Variants in KIRREL3 observed in about 807,000 individuals in gnomAD.
KIRREL3 encodes kin of IRRE-like protein 3.
Under a neutral mutation model 89.7 loss-of-function variants are expected in KIRREL3, and 36 were observed. The observed-to-expected ratio is 0.40, with a 90% CI of 0.31 to 0.53. The LOEUF is 0.53. Among genes scored for constraint, KIRREL3 ranks in the 20% least tolerant of loss-of-function variants. The pLI is 0.49. For missense variants in KIRREL3, 864 were observed against 1,056.6 expected (o/e 0.82, Z 2.53); for synonymous variants, 445 against 441.4 (o/e 1.01, Z -0.10).
rs2134227752 is a variant in KIRREL3, at chr11:126,744,211, A to G, written c.56-181299T>C. ...GGGTGCCAGTCAAGGGACAAAATGG[A>G]CATTGGTTTGTCTTCTGAAACACAC... On this transcript the variant is annotated intron_variant, in intron 1 of 16. Coordinates refer to ENST00000525144, the MANE Select transcript of KIRREL3 (RefSeq NM_032531.4). The surrounding 1 kb of genome is among the most constrained non-coding windows in gnomAD (Gnocchi z 4.7). 6.6e-6 allele frequency among the ~76,000 whole-genome samples: 1 copy of G among 151,068 alleles called. No individual in the cohort carries two copies. Among genetic ancestry groups the G allele is most frequent in the South Asian group, 2.1e-4 (1 of 4,710 alleles).
intron 1 of KIRREL3, among the ~76,000 whole-genome samples, chr11:126,662,003 G>A (rs1945426121): frequency 6.6e-6 from 1 of 152,052 alleles, no homozygotes. Context: ...TGGGTAAAGA[G>A]GAAAGAAGGG....
intron 4 of KIRREL3, among the ~76,000 whole-genome samples, chr11:126,479,220 G>A (rs1489396258): frequency 6.6e-6 from 1 of 152,062 alleles, no homozygotes; most frequent in South Asian, 2.1e-4. Context: ...CCGAAGCCTC[G>A]GGGTGCATCT....
intron 1 of KIRREL3, among the ~76,000 whole-genome samples, chr11:126,663,437 G>A (rs1053413444): frequency 4.6e-5 from 7 of 151,984 alleles, no homozygotes; most frequent in Admixed American, 1.3e-4. Flanking sequence ...CGCCTGCCTC[G>A]GCCTCCCAAC....
intron 1 of KIRREL3, among the ~76,000 whole-genome samples, chr11:126,932,192 G>A (rs553346134): frequency 6.6e-6 from 1 of 152,088 alleles, no homozygotes; most frequent in African/African-American, 2.4e-5. Context: ...GTTTGTCTCC[G>A]ACAAGAAAGG....
chr11:126,571,395 G>A lies in KIRREL3; in HGVS notation c.56-8483C>T, dbSNP rs1309290011. ...TCTGTACACTGAAAGTGGGACACTG[G>A]TTACTATCTTTGGGGGCTGGGTGCA... On this transcript the variant is annotated intron_variant, in intron 1 of 16. Coordinates refer to ENST00000525144, the MANE Select transcript of KIRREL3 (RefSeq NM_032531.4). The surrounding 1 kb of genome is among the most constrained non-coding windows in gnomAD (Gnocchi z 7.7). Among the ~76,000 whole-genome samples the A allele has an allele frequency of 6.6e-6, 1 of 152,176 alleles. No homozygotes were observed. Among genetic ancestry groups the A allele is most frequent in the African/African-American group, 2.4e-5 (1 of 41,448 alleles).
chr11:126,923,206 T>A lies in KIRREL3; in HGVS notation c.55+77249A>T, dbSNP rs1472115833. On this transcript the variant is annotated intron_variant, in intron 1 of 16. Coordinates refer to ENST00000525144, the MANE Select transcript of KIRREL3 (RefSeq NM_032531.4). ...CTTCTTCTCTTCTTCTTCTTCTTCT[T>A]CTTCTTCTTCTTCTTCTTCTTCTTC... 2.3e-3 allele frequency among the ~76,000 whole-genome samples: 21 copies of A among 9,320 alleles called. 3 individuals are homozygous for A. Among genetic ancestry groups the A allele is most frequent in the Admixed American group, 4.0e-3 (4 of 1,010 alleles). The allele number at this position is 9,320 out of a possible 152,430, so 6.1% of individuals were successfully genotyped here.
Position 126,904,124 on chromosome 11 carries a change from G to A in KIRREL3, c.55+96331C>T, listed in dbSNP as rs917257832. ...AAATTGCTATGATTTTATGAAGATGGCATAGAAAAAACTGCCTCACTCTAA... is the reference window on the plus strand; with the variant it reads ...AAATTGCTATGATTTTATGAAGATGACATAGAAAAAACTGCCTCACTCTAA... On this transcript the variant is annotated intron_variant, in intron 1 of 16. Coordinates refer to ENST00000525144, the MANE Select transcript of KIRREL3 (RefSeq NM_032531.4). This position sits in a 1 kb window ranked among gnomAD's most constrained non-coding sequence, Gnocchi z 4.4. 6.6e-6 allele frequency among the ~76,000 whole-genome samples: 1 copy of A among 152,098 alleles called. No individual in the cohort carries two copies.
chr11:126,714,048 A>T (rs1406592897), intron 1 of KIRREL3, among the ~76,000 whole-genome samples: 1 of 152,048 alleles, frequency 6.6e-6, no homozygotes, highest in East Asian at 1.9e-4. Flanking sequence ...TTTGCATCAC[A>T]TAGGGCCAGG....
chr11:126,446,621 G>T (rs1362686840), intron 9 of KIRREL3, 138 bp downstream of exon 9: 3 of 999,062 alleles, frequency 3.0e-6, no homozygotes, highest in Admixed American at 2.8e-5. Flanking sequence ...CTCTTTCTGG[G>T]ATCTTTCTCC....
intron 1 of KIRREL3, among the ~76,000 whole-genome samples, chr11:126,945,856 T>C (rs1296970408): frequency 6.6e-6 from 1 of 152,230 alleles, no homozygotes; most frequent in Non-Finnish European, 1.5e-5. Context: ...ATTGCAATGA[T>C]ATTGGTGTTG....
At position 126,796,873 on chromosome 11, in the gene KIRREL3, G is replaced by T. The variant is rs1299963327; in HGVS notation, c.55+203582C>A. ...GAGCTGTACCTTAGGTAGAGTACATGAAAATCTGATTGTTGGCAGAGCCCT... is the reference window on the plus strand; with the variant it reads ...GAGCTGTACCTTAGGTAGAGTACATTAAAATCTGATTGTTGGCAGAGCCCT... On this transcript the variant is annotated intron_variant, in intron 1 of 16. Transcript: ENST00000525144. This position sits in a 1 kb window ranked among gnomAD's most constrained non-coding sequence, Gnocchi z 5.1. Among the ~76,000 whole-genome samples the T allele has an allele frequency of 6.6e-6, 1 of 152,122 alleles. No individual in the cohort carries two copies. The highest frequency in any genetic ancestry group is 2.4e-5 in the African/African-American group (1 of 41,408).
intron 1 of KIRREL3, among the ~76,000 whole-genome samples, chr11:126,861,124 G>A (rs1439997670): frequency 6.6e-6 from 1 of 152,132 alleles, no homozygotes; most frequent in African/African-American, 2.4e-5. Context: ...TAAGGATATT[G>A]TTCTTGATTG....
At chr11:126,854,492 T>C (rs1240912272) in intron 1 of KIRREL3, among the ~76,000 whole-genome samples, 1 of 152,220 alleles carries the variant, frequency 6.6e-6, no homozygotes, top group African/African-American at 2.4e-5. Context: ...TTCTTCTTTG[T>C]CTGGCTTATT....
intron 1 of KIRREL3, among the ~76,000 whole-genome samples, chr11:126,619,773 A>T (rs1269238435): frequency 6.6e-6 from 1 of 152,210 alleles, no homozygotes; most frequent in African/African-American, 2.4e-5. Context: ...AGAATCTCTG[A>T]CACTGGACCT....
Position 126,491,359 on chromosome 11 carries a change from G to A in KIRREL3, c.434-17893C>T, listed in dbSNP as rs2134337810. Among the ~76,000 whole-genome samples, 1 of 152,328 alleles carries A rather than the reference G, an allele frequency of 6.6e-6. No individual in the cohort carries two copies. The highest frequency in any genetic ancestry group is 3.4e-3 in the Middle Eastern group (1 of 294). On this transcript the variant is annotated intron_variant, in intron 4 of 16. Coordinates refer to ENST00000525144, the MANE Select transcript of KIRREL3 (RefSeq NM_032531.4). This position sits in a 1 kb window ranked among gnomAD's most constrained non-coding sequence, Gnocchi z 5.5. ...GAGCGGGTGCTTTATTGTGTGATGG[G>A]TGGGGACACTTGCTCTCAGGGGGAA... is the stretch of plus-strand genomic sequence containing the variant.
rs989887900 is a variant in KIRREL3 at position 126,647,041 on chromosome 11, G to A, written c.56-84129C>T. 6.6e-6 allele frequency among the ~76,000 whole-genome samples: 1 copy of A among 152,180 alleles called. No individual in the cohort carries two copies. The highest frequency in any genetic ancestry group is 2.4e-5 in the African/African-American group (1 of 41,452). On this transcript the variant is annotated intron_variant, in intron 1 of 16. Coordinates refer to ENST00000525144, the MANE Select transcript of KIRREL3 (RefSeq NM_032531.4). This position sits in a 1 kb window ranked among gnomAD's most constrained non-coding sequence, Gnocchi z 4.9. Reference sequence around the variant, plus strand: ...TTTATTCCTACAGCAATTTAGTAATGATGATGACACTTAAGCATTTAGAAA... The same window carrying A: ...TTTATTCCTACAGCAATTTAGTAATAATGATGACACTTAAGCATTTAGAAA...
At chr11:126,584,759 C>A (rs1314863493) in intron 1 of KIRREL3, among the ~76,000 whole-genome samples, 3 of 152,156 alleles carry the variant, frequency 2.0e-5, no homozygotes, top group Non-Finnish European at 4.4e-5. Context: ...AGTTGCAGGC[C>A]AGATGCCACT....
In KIRREL3 at chr11:126,561,649, T is replaced by C. The variant is rs1312666334; in HGVS notation, c.133+1186A>G. Among the ~76,000 whole-genome samples the C allele has an allele frequency of 6.6e-6, 1 of 152,202 alleles. No individual in the cohort carries two copies. Among genetic ancestry groups the C allele is most frequent in the African/African-American group, 2.4e-5 (1 of 41,458 alleles). On this transcript the variant is annotated intron_variant, in intron 2 of 16. Coordinates refer to ENST00000525144, the MANE Select transcript of KIRREL3 (RefSeq NM_032531.4). The surrounding 1 kb of genome is among the most constrained non-coding windows in gnomAD (Gnocchi z 4.5). The stretch of plus-strand genomic sequence containing the variant: ...ATGCGGCCCCCAACTCTGGTTGTAC[T>C]CAGCCATGGGGTTCCTACAAATGGG...
rs867380655 is a variant in KIRREL3, at chr11:126,510,028, A to G, written c.433+11287T>C. ...AAAAAAAAAAAAAAAAGAAAAAAGA[A>G]AAAAAGAAAAAAAAGAAAACACACA... is the stretch of plus-strand genomic sequence containing the variant. On this transcript the variant is annotated intron_variant, in intron 4 of 16. Coordinates refer to ENST00000525144, the MANE Select transcript of KIRREL3 (RefSeq NM_032531.4). 4.6e-4 allele frequency among the ~76,000 whole-genome samples: 69 copies of G among 150,696 alleles called. 1 individual carries two copies. The highest frequency in any genetic ancestry group is 1.6e-3 in the African/African-American group (64 of 40,642).
Sources: allele counts gnomAD v4.1 joint callset (sites outside exome capture counted in the v4.1 genomes callset), GRCh38; gene constraint gnomAD v4.1.1; non-coding constraint Gnocchi (gnomAD v3.1); transcripts MANE v1.5; gene names NCBI Gene and HGNC (gene_info 2026-07-23, HGNC 2026-07-21).